The following ACTR3B variants were observed in gnomAD, a reference collection of about 807,000 sequenced individuals.
ACTR3B encodes the protein actin-related protein 3B.
In ACTR3B, 8 loss-of-function variants were observed where a neutral mutation model predicts 59.0. That is an observed-to-expected ratio of 0.14 (90% CI 0.08 to 0.24). ACTR3B has a LOEUF of 0.24. Ranked by LOEUF, ACTR3B falls within the 10% of genes least tolerant of loss-of-function variation. ACTR3B has a pLI of 1.00. For synonymous variants in ACTR3B, 148 were observed against 197.9 expected (o/e 0.75, Z 2.12); for missense variants, 245 against 552.3 (o/e 0.44, Z 5.58).
In ACTR3B at chr7:152,818,302, G is replaced by A. The variant is rs564569640; in HGVS notation, c.540+1714G>A. On this transcript the variant is annotated intron_variant, in intron 6 of 11. Transcript: ENST00000256001. ...AAGTTGTTTGAAAAGATTTTTAATCGTATCTTAGTTCAGTTTTTCCTCCAG... is the reference window on the plus strand; with the variant it reads ...AAGTTGTTTGAAAAGATTTTTAATCATATCTTAGTTCAGTTTTTCCTCCAG... Among the ~76,000 whole-genome samples the A allele has an allele frequency of 1.7e-3, 254 of 152,260 alleles. 2 individuals carry two copies. The highest frequency in any genetic ancestry group is 2.5e-3 in the Non-Finnish European group (172 of 68,032).
At chr7:152,848,541 C>G (rs1221105771) in intron 9 of ACTR3B, among the ~76,000 whole-genome samples, 1 of 152,214 alleles carries the variant, frequency 6.6e-6, no homozygotes, top group Non-Finnish European at 1.5e-5. Context: ...ACTGACCCAT[C>G]CTTGTTCTTC....
chr7:152,821,745 C>T (rs1796181167), intron 7 of ACTR3B, among the ~76,000 whole-genome samples: 1 of 152,246 alleles, frequency 6.6e-6, no homozygotes, highest in Non-Finnish European at 1.5e-5. Flanking sequence ...GAGTCAGCTG[C>T]CCTGGCCCTG....
intron 2 of ACTR3B, among the ~76,000 whole-genome samples, chr7:152,784,968 A>C (rs2098166803): frequency 6.6e-6 from 1 of 152,126 alleles, no homozygotes; most frequent in Admixed American, 6.5e-5. Flanking sequence ...GGTGTTCTGT[A>C]GGATGAATCA....
At chr7:152,764,443 C>T (rs2098101450) in intron 1 of ACTR3B, among the ~76,000 whole-genome samples, 1 of 151,714 alleles carries the variant, frequency 6.6e-6, no homozygotes, top group African/African-American at 2.4e-5. Flanking sequence ...ACCATCCTGG[C>T]TAACACGGTG....
intron 2 of ACTR3B, among the ~76,000 whole-genome samples, chr7:152,791,288 G>A (rs2098195330): frequency 6.6e-6 from 1 of 152,160 alleles, no homozygotes; most frequent in Non-Finnish European, 1.5e-5. Flanking sequence ...TTAGAGGCGT[G>A]AGCCGCTGTG....
intron 1 of ACTR3B, among the ~76,000 whole-genome samples, chr7:152,769,178 T>C (rs1287718047): frequency 2.6e-5 from 4 of 152,108 alleles, no homozygotes; most frequent in Non-Finnish European, 5.9e-5. Context: ...TGTGTGTACC[T>C]AGTCTGTCAT....
chr7:152,804,371 G>A (rs1336061509), intron 4 of ACTR3B, among the ~76,000 whole-genome samples: 2 of 152,200 alleles, frequency 1.3e-5, no homozygotes, highest in East Asian at 1.9e-4. Context: ...AGAGGGCGTG[G>A]TGATTCTGAG....
chr7:152,835,683 G>C (rs1472224478), intron 9 of ACTR3B, among the ~76,000 whole-genome samples: 1 of 152,150 alleles, frequency 6.6e-6, no homozygotes, highest in Non-Finnish European at 1.5e-5. Flanking sequence ...CTTCTAGTGA[G>C]GCGTCCTGAC....
intron 9 of ACTR3B, among the ~76,000 whole-genome samples, chr7:152,827,477 A>G (rs995526644): frequency 8.6e-5 from 13 of 151,576 alleles, no homozygotes; most frequent in African/African-American, 2.9e-4. Context: ...TTTGCCACCT[A>G]AGTTAGAGTA....
chr7:152,781,450 CG>C (rs922914672), intron 1 of ACTR3B, among the ~76,000 whole-genome samples: 16 of 152,082 alleles, frequency 1.1e-4, no homozygotes, highest in South Asian at 4.2e-4. Flanking sequence ...GGCACTGTGC[CG>C]GGGGTGTAGA....
At chr7:152,796,093 C>T (rs911014934) in intron 2 of ACTR3B, among the ~76,000 whole-genome samples, 3 of 152,134 alleles carry the variant, frequency 2.0e-5, no homozygotes, top group Non-Finnish European at 4.4e-5. Flanking sequence ...GATCTACCCG[C>T]CTCGACCTCC....
Position 152,820,373 on chromosome 7 carries a change from A to G in ACTR3B, c.615A>G (p.Gln205=), listed in dbSNP as rs1796048048. The G allele has an allele frequency of 6.2e-7, 1 of 1,609,190 alleles. No homozygotes were observed. Among genetic ancestry groups the G allele is most frequent in the Non-Finnish European group, 8.5e-7 (1 of 1,176,346 alleles). ...IAGRDITYFI[Q]QLLREREVGI... ...GTAGAGATATTACGTATTTCATTCA[A>G]CAGCTGCTAAGGGAGAGGGAGGTGG... The change falls in exon 7 of 12, where the codon CAA becomes CAG. Residue 205 remains glutamine (Q), a synonymous_variant. Transcript: ENST00000256001.
chr7:152,810,042 T>C (rs1040493064), intron 4 of ACTR3B, among the ~76,000 whole-genome samples: 6 of 152,190 alleles, frequency 3.9e-5, no homozygotes, highest in Non-Finnish European at 5.9e-5. Context: ...CTAGAACTTT[T>C]CCATCTTGCA....
intron 9 of ACTR3B, among the ~76,000 whole-genome samples, chr7:152,828,044 G>A (rs2116891316): frequency 6.6e-6 from 1 of 151,674 alleles, no homozygotes; most frequent in Non-Finnish European, 1.5e-5. Context: ...CGTGTTGAAC[G>A]ACTAGGAGTG....
intron 2 of ACTR3B, among the ~76,000 whole-genome samples, chr7:152,789,282 C>T (rs916962309): frequency 1.3e-5 from 2 of 148,842 alleles, no homozygotes; most frequent in Non-Finnish European, 3.0e-5. Context: ...GTCCCAGCTA[C>T]TCGGGAGGCT....
chr7:152,793,172 C>CA (rs2098203324), intron 2 of ACTR3B, among the ~76,000 whole-genome samples: 1 of 49,564 alleles, frequency 2.0e-5, no homozygotes, highest in Non-Finnish European at 3.5e-5. Context: ...TTTTTCTCTT[C>CA]CCTTTTTTTT....
At chr7:152,796,881 TTTTTTTTTTTTTTTTTTG>T (rs2098218876) in intron 2 of ACTR3B, among the ~76,000 whole-genome samples, 3 of 115,452 alleles carry the variant, frequency 2.6e-5, no homozygotes, top group African/African-American at 3.2e-5. Context: ...TTTTTTTTTT[TTTTTTTTTTTTTTTTTTG>T]TAGAGACGGG....
intron 1 of ACTR3B, among the ~76,000 whole-genome samples, chr7:152,781,417 TC>T (rs1298109811): frequency 6.6e-6 from 1 of 152,156 alleles, no homozygotes; most frequent in Non-Finnish European, 1.5e-5. Flanking sequence ...AGCTGTTATT[TC>T]TGGAGTATTT....
Position 152,854,426 on chromosome 7 carries a change from G to A in ACTR3B, c.1162-32G>A. 6.3e-7 allele frequency: 1 copy of A among 1,593,064 alleles called. No homozygotes were observed. The highest frequency in any genetic ancestry group is 8.6e-7 in the Non-Finnish European group (1 of 1,160,932). The stretch of plus-strand genomic sequence containing the variant: ...TTCCCTTGACTTTCTTCTGAAATGA[G>A]TGTCTTTCTGTCTGCCTGTTGCCTC... On this transcript the variant is annotated intron_variant, in intron 11 of 11. Coordinates refer to ENST00000256001, the MANE Select transcript of ACTR3B (RefSeq NM_020445.6). This position sits in a 1 kb window ranked among gnomAD's most constrained non-coding sequence, Gnocchi z 4.9.
Sources: gnomAD v4.1 joint callset for allele counts (sites outside exome capture counted in the v4.1 genomes callset) on GRCh38, gnomAD v4.1.1 for gene constraint, Gnocchi (gnomAD v3.1) non-coding constraint, MANE v1.5 for transcripts, NCBI Gene and HGNC (gene_info 2026-07-23, HGNC 2026-07-21) for gene names.